Variants in UBQLN1 observed in about 807,000 individuals in gnomAD.
UBQLN1 encodes ubiquilin 1, also known as ubiquilin-1.
Under a neutral mutation model 65.4 loss-of-function variants are expected in UBQLN1, and 13 were observed. The observed-to-expected ratio is 0.20, with a 90% confidence interval of 0.13 to 0.32. The LOEUF is 0.32. Ranked by LOEUF, UBQLN1 falls within the 10% of genes least tolerant of loss-of-function variation. The pLI is 1.00. For missense variants in UBQLN1, 561 were observed against 724.0 expected (o/e 0.77, Z 2.58); for synonymous variants, 267 against 247.8 (o/e 1.08, Z -0.73).
At chr9:83,666,678 C>A (rs1831648889) in intron 7 of UBQLN1, 2 of 352,070 alleles carry the variant, frequency 5.7e-6, no homozygotes, top group South Asian at 8.3e-5. Flanking sequence ...CATGCAATAT[C>A]CTAAAAAATA....
At chr9:83,670,916 T>C (rs188112490) in intron 6 of UBQLN1, among the ~76,000 whole-genome samples, 252 of 152,350 alleles carry the variant, frequency 1.7e-3, no homozygotes, top group African/African-American at 5.9e-3. Flanking sequence ...GTACAAGTTT[T>C]TTCATGGCAT....
chr9:83,700,238 C>T (rs1026482322), intron 1 of UBQLN1, among the ~76,000 whole-genome samples: 5 of 151,986 alleles, frequency 3.3e-5, no homozygotes, highest in Non-Finnish European at 7.4e-5. Flanking sequence ...GGCAGAGAAG[C>T]AAGAGTGAAC....
rs1831622897 is a variant in UBQLN1, at chr9:83,665,058, C to A, written c.1420G>T (p.Ala474Ser). The A allele has an allele frequency of 3.1e-6, 5 of 1,613,462 alleles. No individual in the cohort carries two copies. The highest frequency in any genetic ancestry group is 3.4e-6 in the Non-Finnish European group (4 of 1,179,784). The change falls in exon 9 of 11, where the codon GCA (alanine) becomes TCA (serine). Residue 474 changes from alanine to serine, a missense_variant. Transcript: ENST00000376395. ...LQIQQGLQTL[A>S]TEAPGLIPGF... ...GGGATGAGGCCCGGGGCTTCCGTTGCTAATGTCTGTAAACCCTGCTGAATC... is the reference window on the plus strand; with the variant it reads ...GGGATGAGGCCCGGGGCTTCCGTTGATAATGTCTGTAAACCCTGCTGAATC...
chr9:83,669,173 T>A lies in UBQLN1; in HGVS notation c.1248+12A>T. ...CACTGCACAGTCTTTTTCAATACAATTACAAACTCACCTGTGCAGCAAGGT... is the reference window on the plus strand; with the variant it reads ...CACTGCACAGTCTTTTTCAATACAAATACAAACTCACCTGTGCAGCAAGGT... On this transcript the variant is annotated intron_variant, in intron 7 of 10. Transcript: ENST00000376395. The A allele has an allele frequency of 6.2e-7, 1 of 1,600,026 alleles. No individual in the cohort carries two copies. The highest frequency in any genetic ancestry group is 8.5e-7 in the Non-Finnish European group (1 of 1,177,204).
At chr9:83,696,859 T>C (rs1403090734) in intron 1 of UBQLN1, among the ~76,000 whole-genome samples, 1 of 152,074 alleles carries the variant, frequency 6.6e-6, no homozygotes, top group East Asian at 1.9e-4. Context: ...ATCCATATAA[T>C]CACAAAATAT....
intron 1 of UBQLN1, among the ~76,000 whole-genome samples, chr9:83,695,337 T>C (rs1348660362): frequency 1.3e-5 from 2 of 152,028 alleles, no homozygotes; most frequent in Admixed American, 1.3e-4. Context: ...TGGCTGGGAC[T>C]ACAGGTGCTC....
chr9:83,683,414 CAAAAAAAAAAAAA>C (rs766459859), intron 2 of UBQLN1, among the ~76,000 whole-genome samples: 1 of 70,960 alleles, frequency 1.4e-5, no homozygotes, highest in African/African-American at 6.1e-5. Flanking sequence ...GACTCCGTCT[CAAAAAAAAAAAAA>C]AAAAAAAAAG....
chr9:83,668,390 G>A lies in UBQLN1; in HGVS notation c.1248+795C>T, dbSNP rs983889183. ...ACACACTACAGAAGCCATTTTTAAC[G>A]AACAGCAAATATAAACTACAGATTA... On this transcript the variant is annotated intron_variant, in intron 7 of 10. Coordinates refer to ENST00000376395, the MANE Select transcript of UBQLN1 (RefSeq NM_013438.5). 1.8e-5 allele frequency: 18 copies of A among 985,062 alleles called. No homozygotes were observed. The Admixed American group carries it at 3.1e-4, about 17-fold the overall frequency. 61.0% of individuals were successfully genotyped at this position (985,062 alleles called of 1,614,324 possible).
chr9:83,704,202 G>A (rs1832358496), intron 1 of UBQLN1, among the ~76,000 whole-genome samples: 1 of 152,142 alleles, frequency 6.6e-6, no homozygotes, highest in Non-Finnish European at 1.5e-5. Flanking sequence ...ATGTCATTAA[G>A]TATTTTTAAT....
rs762387976 is a variant in UBQLN1, at chr9:83,677,825, C to T, written c.1007G>A (p.Ser336Asn). The stretch of plus-strand genomic sequence containing the variant: ...GCCACCCACAGTGCTGGCAGTGCCG[C>T]TGGAAGCTGATGAACTCTGGGAAGT... ...PQTSQSSSAS[S>N]GTASTVGGTT... The change falls in exon 6 of 11, where the codon AGC becomes AAC. Residue 336 changes from serine (S) to asparagine (N), a missense_variant. Transcript: ENST00000376395. 2 of 1,614,174 alleles carry T rather than the reference C, an allele frequency of 1.2e-6. No homozygotes were observed. The highest frequency in any genetic ancestry group is 1.7e-6 in the Non-Finnish European group (2 of 1,180,032).
intron 1 of UBQLN1, among the ~76,000 whole-genome samples, chr9:83,689,403 T>C (rs1832091110): frequency 1.3e-5 from 2 of 152,178 alleles, no homozygotes; most frequent in Admixed American, 6.5e-5. Flanking sequence ...ACAGACTAAA[T>C]GGGCAAAAAT....
Position 83,707,648 on chromosome 9 carries a change from G to A in UBQLN1, c.32C>T (p.Pro11Leu), listed in dbSNP as rs996688700. The change falls in exon 1 of 11, where the codon CCG (proline) becomes CTG (leucine). Residue 11 changes from proline to leucine, a missense_variant. Physicochemically the swap from Pro to Leu is moderately conservative, Grantham distance 98. Transcript: ENST00000376395. MAESGESGGP[P>L]GSQDSAAGAE... ...TCCGGCGGCGCTATCCTGGGAGCCC[G>A]GAGGACCGCCGCTTTCACCACTCTC... The A allele has an allele frequency of 1.9e-6, 3 of 1,564,988 alleles. No homozygotes were observed. In the African/African-American group the frequency reaches 4.1e-5, roughly 21 times the overall value.
chr9:83,666,207 C>T (rs1831640667), intron 8 of UBQLN1, 143 bp downstream of exon 8: 51 of 704,620 alleles, frequency 7.2e-5, no homozygotes, highest in Non-Finnish European at 7.2e-6. Context: ...GAAGATCAAG[C>T]TGAATTCTCT....
intron 6 of UBQLN1, among the ~76,000 whole-genome samples, chr9:83,671,807 G>A (rs868576869): frequency 6.6e-6 from 1 of 152,144 alleles, no homozygotes; most frequent in Non-Finnish European, 1.5e-5. Flanking sequence ...CCAACAGTCA[G>A]CCTTTCCTTT....
chr9:83,679,249 C>T (rs767073341), intron 4 of UBQLN1, among the ~76,000 whole-genome samples: 1 of 152,326 alleles, frequency 6.6e-6, no homozygotes, highest in African/African-American at 2.4e-5. Context: ...GACCCATCTG[C>T]TTTTTGTTCG....
chr9:83,677,330 A>T (rs774910595), intron 6 of UBQLN1, among the ~76,000 whole-genome samples: 1 of 152,246 alleles, frequency 6.6e-6, no homozygotes. Context: ...TGGGAGGCCA[A>T]GGCAGGCGGA....
chr9:83,677,792 C>T lies in UBQLN1; in HGVS notation c.1040G>A (p.Gly347Asp). 1 of 1,614,176 alleles carries T rather than the reference C, an allele frequency of 6.2e-7. No homozygotes were observed. The highest frequency in any genetic ancestry group is 1.1e-5 in the South Asian group (1 of 91,078). ...CCCAGAAGTGCCACTGGCAGTACTA[C>T]CAGTAGTGCCACCCACAGTGCTGGC... ...GTASTVGGTT[G>D]STASGTSGQS... Residue 347 changes from glycine (G) to aspartate (D), a missense_variant, in exon 6 of 11, where the codon GGT (glycine) becomes GAT (aspartate). By Grantham distance (94) the Gly-to-Asp change is moderately conservative (BLOSUM62 -1). Transcript: ENST00000376395.
rs764477803 is a variant in UBQLN1, at chr9:83,707,660, C to T, written c.20G>A (p.Ser7Asn). Residue 7 changes from serine (S) to asparagine (N), a missense_variant, in exon 1 of 11, where the codon AGC (serine) becomes AAC (asparagine). By Grantham distance (46) the Ser-to-Asn change is conservative. This residue lies in a region of UBQLN1 where 101 missense variants were observed against 104.9 expected (regional missense o/e 0.96). Transcript: ENST00000376395. MAESGESGGPPGSQDSA... is the reference protein window; with the variant it reads MAESGENGGPPGSQDSA... ...ATCCTGGGAGCCCGGAGGACCGCCG[C>T]TTTCACCACTCTCGGCCATGGCTGT... 5.1e-6 allele frequency: 8 copies of T among 1,557,278 alleles called. No individual in the cohort carries two copies. The highest frequency in any genetic ancestry group is 1.7e-6 in the Non-Finnish European group (2 of 1,153,102).
At chr9:83,703,637 G>A (rs531954712) in intron 1 of UBQLN1, among the ~76,000 whole-genome samples, 117 of 152,238 alleles carry the variant, frequency 7.7e-4, no homozygotes, top group African/African-American at 2.7e-3. Context: ...ACCTTGGAAT[G>A]TACACAGTGC....
Sources: allele counts gnomAD v4.1 joint callset (sites outside exome capture counted in the v4.1 genomes callset), GRCh38; gene constraint gnomAD v4.1.1; regional missense constraint gnomAD v4.1.1; transcripts MANE v1.5; gene names NCBI Gene and HGNC (gene_info 2026-07-23, HGNC 2026-07-21).